ZDHHC13: variants seen among roughly 807,000 people sequenced by gnomAD.
The protein encoded by ZDHHC13 is palmitoyltransferase ZDHHC13.
In ZDHHC13, 85 loss-of-function variants were observed where a neutral mutation model predicts 86.0. The ratio of observed to expected loss-of-function variants is 0.99; its 90% CI spans 0.83 to 1.18. ZDHHC13 has a LOEUF of 1.18. Among genes scored for constraint, ZDHHC13 ranks in the 50% most tolerant of loss-of-function variants. The pLI, the probability that ZDHHC13 is intolerant of heterozygous loss-of-function variation, is 0.00. For synonymous variants in ZDHHC13, 263 were observed against 246.4 expected, an observed-to-expected ratio of 1.07 and a Z score of -0.63; for missense variants, 711 against 730.2, an observed-to-expected ratio of 0.97 and a Z score of 0.30.
chr11:19,163,325 T>C lies in ZDHHC13; in HGVS notation c.1131T>C (p.Tyr377=). ...AACATTTAGCAGGAGCCCCTTTCTA[T>C]TTCAGTTTCATTTTCAGCATAGTAG... The part of the protein sequence containing the change: ...FFPDLAGAPF[Y]FSFIFSIVAF... The change falls in exon 11 of 17, where the codon TAT becomes TAC. Residue 377 remains tyrosine (Y), a synonymous_variant. Transcript: ENST00000446113. 1 of 1,595,802 alleles carries C rather than the reference T, an allele frequency of 6.3e-7. No individual in the cohort carries two copies. Among genetic ancestry groups the C allele is most frequent in the Non-Finnish European group, 8.5e-7 (1 of 1,172,860 alleles).
intron 1 of ZDHHC13, among the ~76,000 whole-genome samples, chr11:19,128,723 A>C (rs1026429840): frequency 2.6e-4 from 39 of 152,180 alleles, no homozygotes; most frequent in African/African-American, 9.2e-4. Flanking sequence ...TTAAACTGAA[A>C]AGTTCATGGA....
At chr11:19,127,708 G>A (rs532419724) in intron 1 of ZDHHC13, among the ~76,000 whole-genome samples, 4 of 152,166 alleles carry the variant, frequency 2.6e-5, no homozygotes, top group Admixed American at 6.5e-5. Flanking sequence ...GAATAAGGAG[G>A]CTTTTCCCCA....
At chr11:19,174,800 G>A (rs372155987) in intron 16 of ZDHHC13, among the ~76,000 whole-genome samples, 3 of 152,134 alleles carry the variant, frequency 2.0e-5, no homozygotes, top group African/African-American at 4.8e-5. Flanking sequence ...AGCAGTGTGC[G>A]TTCCAGGCCC....
At chr11:19,146,038 T>C in intron 2 of ZDHHC13, 143 bp from the exon 3 acceptor site, 1 of 843,342 alleles carries the variant, frequency 1.2e-6, no homozygotes, top group Non-Finnish European at 1.8e-6. Context: ...GTGTCCTCTC[T>C]ATGCATGTCT....
intron 1 of ZDHHC13, among the ~76,000 whole-genome samples, chr11:19,118,205 C>T (rs1436181356): frequency 6.6e-6 from 1 of 152,178 alleles, no homozygotes; most frequent in Non-Finnish European, 1.5e-5. Flanking sequence ...CTGTCTTCAG[C>T]TGGAATCAGT....
chr11:19,118,144 C>T (rs190235093), intron 1 of ZDHHC13, among the ~76,000 whole-genome samples: 10 of 152,280 alleles, frequency 6.6e-5, no homozygotes, highest in Admixed American at 6.5e-4. Flanking sequence ...AGAATTGAAG[C>T]ATCCTTAAGA....
intron 1 of ZDHHC13, among the ~76,000 whole-genome samples, chr11:19,129,435 T>C (rs964699492): frequency 6.6e-6 from 1 of 152,160 alleles, no homozygotes; most frequent in Non-Finnish European, 1.5e-5. Context: ...TTTTCCCTTG[T>C]GTTGAAAGAT....
chr11:19,120,107 T>G (rs1590056352), intron 1 of ZDHHC13, among the ~76,000 whole-genome samples: 2 of 152,366 alleles, frequency 1.3e-5, no homozygotes, highest in East Asian at 1.9e-4. Context: ...GTGTGAGAAG[T>G]ATTACATGAT....
rs186570420 is a variant in ZDHHC13, at chr11:19,162,308, A to C, written c.1109-995A>C. On this transcript the variant is annotated intron_variant, in intron 10 of 16. Transcript: ENST00000446113. The stretch of plus-strand genomic sequence containing the variant: ...TTTTAGCTCCATATTGAGAGACTTA[A>C]CTGCAAAAGTGTTACCAGCTTACTG... 1.6e-3 allele frequency among the ~76,000 whole-genome samples: 241 copies of C among 152,296 alleles called. 6 individuals are homozygous for C. The highest frequency in any genetic ancestry group is 0.014 in the Admixed American group (218 of 15,292).
At chr11:19,135,926 T>A (rs1849126108) in intron 1 of ZDHHC13, among the ~76,000 whole-genome samples, 1 of 151,890 alleles carries the variant, frequency 6.6e-6, no homozygotes, top group Non-Finnish European at 1.5e-5. Context: ...CATCTGTACA[T>A]CACCATCATC....
In ZDHHC13 at chr11:19,163,360, AC is replaced by A; in HGVS notation, c.1167del (p.Phe391SerfsTer21). The A allele has an allele frequency of 6.2e-7, 1 of 1,608,798 alleles. No individual in the cohort carries two copies. The highest frequency in any genetic ancestry group is 8.5e-7 in the Non-Finnish European group (1 of 1,177,682). On this transcript the variant is annotated frameshift_variant, in exon 11 of 17. Coordinates refer to ENST00000446113, the MANE Select transcript of ZDHHC13 (RefSeq NM_019028.3). LOFTEE classifies it high-confidence loss of function. ...SFIFSIVAFL[Y>X]FFYKTWATDP... ...ATTTTCAGCATAGTAGCCTTTCTAT[AC>A]TTTTTCTATAAGACTTGGGCAACTG...
chr11:19,170,458 A>C lies in ZDHHC13; in HGVS notation c.1522A>C (p.Thr508Pro). 6.6e-7 allele frequency: 1 copy of C among 1,525,146 alleles called. No individual in the cohort carries two copies. Among genetic ancestry groups the C allele is most frequent in the East Asian group, 2.5e-5 (1 of 39,948 alleles). The allele number at this position is 1,525,146 out of a possible 1,614,324, so 94.5% of individuals were successfully genotyped here. ...ATTFKEDGLW[T>P]YLNQIVACSP... Reference sequence around the variant, plus strand: ...AACATTCAAAGAAGATGGATTATGGACTTACCTCAATCAGATTGTGGCCTG... The same window carrying C: ...AACATTCAAAGAAGATGGATTATGGCCTTACCTCAATCAGATTGTGGCCTG... The change falls in exon 15 of 17, where the codon ACT becomes CCT. Residue 508 changes from threonine to proline, a missense_variant. By Grantham distance (38) the Thr-to-Pro change is conservative (BLOSUM62 -1). Coordinates refer to ENST00000446113, the MANE Select transcript of ZDHHC13 (RefSeq NM_019028.3).
intron 9 of ZDHHC13, among the ~76,000 whole-genome samples, chr11:19,157,175 C>G (rs1301564189): frequency 2.0e-5 from 3 of 152,220 alleles, no homozygotes; most frequent in Non-Finnish European, 4.4e-5. Flanking sequence ...GCTGCTGCAT[C>G]CCTGTTTTAT....
At chr11:19,149,417 T>A in intron 5 of ZDHHC13, 86 bp downstream of exon 5, 1 of 1,298,664 alleles carries the variant, frequency 7.7e-7, no homozygotes. Context: ...TTCTCATTTT[T>A]AAAGTGGAGG....
intron 1 of ZDHHC13, among the ~76,000 whole-genome samples, chr11:19,138,221 T>C (rs1849203585): frequency 6.6e-6 from 1 of 150,822 alleles, no homozygotes. Context: ...TAAAAAATGA[T>C]AAAGGGGATA....
chr11:19,168,154 G>A (rs1850125256), intron 14 of ZDHHC13: 1 of 152,198 alleles, frequency 6.6e-6, no homozygotes, highest in Admixed American at 6.5e-5. Flanking sequence ...AAGTAAAAGA[G>A]TTTTTGACAG....
intron 1 of ZDHHC13, among the ~76,000 whole-genome samples, chr11:19,127,251 C>A (rs1278247520): frequency 6.6e-6 from 1 of 152,042 alleles, no homozygotes; most frequent in Non-Finnish European, 1.5e-5. Context: ...GCATTTATGT[C>A]TTCTATTGAA....
Position 19,117,222 on chromosome 11 carries a change from G to A in ZDHHC13, c.-28G>A. Reference sequence around the variant, plus strand: ...GGCGGCAGTCGCTACTTGCCTAGTAGCCTCAGCCGCTGTGGGCTCCTGGGG... The same window carrying A: ...GGCGGCAGTCGCTACTTGCCTAGTAACCTCAGCCGCTGTGGGCTCCTGGGG... On this transcript the variant is annotated 5_prime_UTR_variant, in exon 1 of 17. Transcript: ENST00000446113. This position sits in a 1 kb window ranked among gnomAD's most constrained non-coding sequence, Gnocchi z 4.2. 3 of 1,529,822 alleles carry A rather than the reference G, an allele frequency of 2.0e-6. No individual in the cohort carries two copies. Among genetic ancestry groups the A allele is most frequent in the Non-Finnish European group, 2.6e-6 (3 of 1,141,160 alleles). 94.8% of individuals were successfully genotyped at this position (1,529,822 alleles called of 1,614,324 possible). A position where few individuals can be genotyped will look rare whatever the true frequency, so the allele number is the denominator to read the frequency against.
Position 19,135,827 on chromosome 11 carries a change from T to C in ZDHHC13, c.28-7151T>C, listed in dbSNP as rs566038221. ...AGCAGGGGTAGACTGACACCTCACA[T>C]GGCCGGGTACTCCAACAGACCTGCA... is the stretch of plus-strand genomic sequence containing the variant. On this transcript the variant is annotated intron_variant, in intron 1 of 16. Coordinates refer to ENST00000446113, the MANE Select transcript of ZDHHC13 (RefSeq NM_019028.3). Among the ~76,000 whole-genome samples, 39 of 152,270 alleles carry C rather than the reference T, an allele frequency of 2.6e-4. No individual in the cohort carries two copies. The East Asian group carries it at 7.2e-3, about 28-fold the overall frequency.
Sources: gnomAD v4.1 joint callset for allele counts (sites outside exome capture counted in the v4.1 genomes callset) on GRCh38, gnomAD v4.1.1 for gene constraint, Gnocchi (gnomAD v3.1) non-coding constraint, MANE v1.5 for transcripts, NCBI Gene and HGNC (gene_info 2026-07-23, HGNC 2026-07-21) for gene names.